The following BCAT1 variants were observed in gnomAD, a reference collection of about 807,000 sequenced individuals.
BCAT1 encodes branched chain amino acid transaminase 1, also known as branched-chain-amino-acid aminotransferase, cytosolic.
BCAT1 carries 48 observed loss-of-function variants against 52.4 expected under a neutral mutation model. The observed-to-expected ratio is 0.92, with a 90% CI of 0.73 to 1.16. BCAT1 has a LOEUF of 1.16. Among genes scored for constraint, BCAT1 ranks in the 50% most tolerant of loss-of-function variants. The pLI is 0.00. For synonymous variants in BCAT1, 167 were observed against 161.3 expected (o/e 1.04, Z -0.27); for missense variants, 451 against 457.1 (o/e 0.99, Z 0.12).
At chr12:24,938,939 A>G (rs935570524) in intron 1 of BCAT1, among the ~76,000 whole-genome samples, 8 of 151,964 alleles carry the variant, frequency 5.3e-5, no homozygotes, top group African/African-American at 1.7e-4. Context: ...CAGTGGTGCA[A>G]TCTCAGCTCA....
intron 1 of BCAT1, chr12:24,904,781 G>T (rs949607028): frequency 6.6e-6 from 1 of 152,226 alleles, no homozygotes; most frequent in Non-Finnish European, 1.5e-5. Context: ...TGCTGGGGGA[G>T]GGTTGAGAGC....
At chr12:24,882,828 T>C (rs1942541440) in intron 3 of BCAT1, among the ~76,000 whole-genome samples, 1 of 151,922 alleles carries the variant, frequency 6.6e-6, no homozygotes, top group Non-Finnish European at 1.5e-5. Context: ...CTCGAACTCC[T>C]GGGCTCAAGT....
intron 1 of BCAT1, among the ~76,000 whole-genome samples, chr12:24,947,254 T>C (rs1163692739): frequency 6.6e-6 from 1 of 152,006 alleles, no homozygotes; most frequent in Non-Finnish European, 1.5e-5. Context: ...GTGTATCATT[T>C]TTAAATCCCC....
At chr12:24,867,714 T>TA (rs977274592) in intron 5 of BCAT1, among the ~76,000 whole-genome samples, 1 of 152,124 alleles carries the variant, frequency 6.6e-6, no homozygotes, top group Non-Finnish European at 1.5e-5. Context: ...AAGAAACCTT[T>TA]AAAAAGATAA....
rs1939660037 is a variant in BCAT1 at position 24,810,966 on chromosome 12, T to C, written c.*7042A>G. 6.6e-6 allele frequency: 1 copy of C among 152,190 alleles called. No individual in the cohort carries two copies. The highest frequency in any genetic ancestry group is 6.5e-5 in the Admixed American group (1 of 15,276). The allele number at this position is 152,190 out of a possible 1,614,324, so 9.4% of individuals were successfully genotyped here. On this transcript the variant is annotated 3_prime_UTR_variant, in exon 11 of 11. Transcript: ENST00000261192. ...TTTAAAGTGTCTTTTATTCTAAAGC[T>C]AGTTAACCACATATAGAAGTATGGT...
rs1248673671 is a variant in BCAT1, at chr12:24,816,347, G to A, written c.*1661C>T. On this transcript the variant is annotated 3_prime_UTR_variant, in exon 11 of 11. Coordinates refer to ENST00000261192, the MANE Select transcript of BCAT1 (RefSeq NM_005504.7). Reference sequence around the variant, plus strand: ...AAGAAGGAAGTTATGAGGACTGAGGGAAACCAAAATACAATGTCTGAGAGT... The same window carrying A: ...AAGAAGGAAGTTATGAGGACTGAGGAAAACCAAAATACAATGTCTGAGAGT... 1 of 395,118 alleles carries A rather than the reference G, an allele frequency of 2.5e-6. No homozygotes were observed. The highest frequency in any genetic ancestry group is 4.5e-6 in the Non-Finnish European group (1 of 224,440). 24.5% of individuals were successfully genotyped at this position (395,118 alleles called of 1,614,324 possible).
chr12:24,901,991 C>A, intron 1 of BCAT1, 106 bp from the exon 2 acceptor site: 1 of 1,602,604 alleles, frequency 6.2e-7, no homozygotes, highest in Non-Finnish European at 8.5e-7. Flanking sequence ...TCTCCAGGAC[C>A]CAGGCAAACA....
chr12:24,840,353 T>C (rs1176535615), intron 7 of BCAT1, among the ~76,000 whole-genome samples: 3 of 152,018 alleles, frequency 2.0e-5, no homozygotes, highest in Non-Finnish European at 4.4e-5. Context: ...GGGGTAAGAG[T>C]GGGCAGATGG....
intron 9 of BCAT1, 96 bp downstream of exon 9, chr12:24,832,627 G>C: frequency 7.4e-7 from 1 of 1,356,706 alleles, no homozygotes; most frequent in Non-Finnish European, 9.8e-7. Flanking sequence ...TTTGCATCTT[G>C]GGTCTGGGTC....
chr12:24,883,942 A>G (rs542595833), intron 3 of BCAT1, among the ~76,000 whole-genome samples: 2 of 152,328 alleles, frequency 1.3e-5, no homozygotes, highest in African/African-American at 4.8e-5. Flanking sequence ...CACCTCCTAC[A>G]GTGCGATCCA....
At chr12:24,878,504 C>T (rs762442600) in intron 5 of BCAT1, 26 bp downstream of exon 5, 1 of 1,592,546 alleles carries the variant, frequency 6.3e-7, no homozygotes, top group Non-Finnish European at 8.5e-7. Flanking sequence ...CAGCAAAGTA[C>T]CCCAAAATAA....
At position 24,919,753 on chromosome 12, in the gene BCAT1, C is replaced by A. The variant is rs569951100; in HGVS notation, c.7-17868G>T. On this transcript the variant is annotated intron_variant, in intron 1 of 10. Coordinates refer to ENST00000261192, the MANE Select transcript of BCAT1 (RefSeq NM_005504.7). ...AGCTATGTCTCCACACAAATCTCATCTTGAATTGTAGCTCCACGTGTTGTG... is the reference window on the plus strand; with the variant it reads ...AGCTATGTCTCCACACAAATCTCATATTGAATTGTAGCTCCACGTGTTGTG... Among the ~76,000 whole-genome samples the A allele has an allele frequency of 9.2e-5, 14 of 152,324 alleles. No individual in the cohort carries two copies. The South Asian group carries it at 2.5e-3, about 27-fold the overall frequency.
At chr12:24,899,663 T>C (rs1943042020) in intron 2 of BCAT1, among the ~76,000 whole-genome samples, 1 of 151,852 alleles carries the variant, frequency 6.6e-6, no homozygotes, top group Admixed American at 6.6e-5. Context: ...TAAAATGTGG[T>C]GCATATACAC....
rs1040345815 is a variant in BCAT1 at position 24,815,141 on chromosome 12, G to C, written c.*2867C>G. The C allele has an allele frequency of 1.3e-5, 2 of 152,064 alleles. No homozygotes were observed. Among genetic ancestry groups the C allele is most frequent in the African/African-American group, 4.8e-5 (2 of 41,416 alleles). 9.4% of individuals were successfully genotyped at this position (152,064 alleles called of 1,614,324 possible). ...ACTGCTCAGGTTTTGCCTTTGTCTT[G>C]ACACTTCATTTTAAAATCTTGGTTT... On this transcript the variant is annotated 3_prime_UTR_variant, in exon 11 of 11. Coordinates refer to ENST00000261192, the MANE Select transcript of BCAT1 (RefSeq NM_005504.7).
chr12:24,915,704 A>G (rs1189812967), intron 1 of BCAT1, among the ~76,000 whole-genome samples: 2 of 152,240 alleles, frequency 1.3e-5, no homozygotes, highest in Non-Finnish European at 2.9e-5. Flanking sequence ...TTTCCTCTCA[A>G]AGTGGATTAC....
chr12:24,860,173 T>C (rs562692078), intron 5 of BCAT1, among the ~76,000 whole-genome samples: 14 of 152,338 alleles, frequency 9.2e-5, no homozygotes, highest in Admixed American at 7.2e-4. Flanking sequence ...GATAGAGGGC[T>C]CTTAAATGCA....
chr12:24,891,723 C>T (rs758622440), intron 3 of BCAT1, among the ~76,000 whole-genome samples: 2 of 151,650 alleles, frequency 1.3e-5, no homozygotes, highest in Non-Finnish European at 2.9e-5. Context: ...AGCATTCCAA[C>T]TCATCTAAAT....
rs1939698344 is a variant in BCAT1, at chr12:24,811,901, A to G, written c.*6107T>C. ...ATCTATAAGCTCACATTTAAAAACT[A>G]CTTCCTCGAACTACTTATTTTTCCT... is the stretch of plus-strand genomic sequence containing the variant. On this transcript the variant is annotated 3_prime_UTR_variant, in exon 11 of 11. Coordinates refer to ENST00000261192, the MANE Select transcript of BCAT1 (RefSeq NM_005504.7). The G allele has an allele frequency of 6.6e-6, 1 of 152,098 alleles. No homozygotes were observed. The highest frequency in any genetic ancestry group is 6.6e-5 in the Admixed American group (1 of 15,264). 9.4% of individuals were successfully genotyped at this position (152,098 alleles called of 1,614,324 possible).
In BCAT1 at chr12:24,894,266, T is replaced by C. The variant is rs755624101; in HGVS notation, c.279+9A>G. On this transcript the variant is annotated intron_variant, in intron 3 of 10. Coordinates refer to ENST00000261192, the MANE Select transcript of BCAT1 (RefSeq NM_005504.7). ...AGCATGTCACTCTCTTTAATTCCCA[T>C]GTACTTACTTCCACTGCATAGTGCA... 2 of 1,613,242 alleles carry C rather than the reference T, an allele frequency of 1.2e-6. No homozygotes were observed. Among genetic ancestry groups the C allele is most frequent in the Admixed American group, 1.7e-5 (1 of 60,000 alleles).
Sources: gnomAD v4.1 joint callset for allele counts (sites outside exome capture counted in the v4.1 genomes callset) on GRCh38, gnomAD v4.1.1 for gene constraint, MANE v1.5 for transcripts, NCBI Gene and HGNC (gene_info 2026-07-23, HGNC 2026-07-21) for gene names.